PALM2AKAP2: variants seen among roughly 807,000 people sequenced by gnomAD.
PALM2AKAP2 encodes PALM2 and AKAP2 fusion, also known as PALM2-AKAP2 fusion protein.
In PALM2AKAP2, 37 loss-of-function variants were observed where a neutral mutation model predicts 71.5. The observed-to-expected ratio is 0.52, with a 90% CI of 0.40 to 0.68. The LOEUF is 0.68. PALM2AKAP2 is among the 30% of genes least tolerant of loss of function. The pLI is 0.00. For missense variants in PALM2AKAP2, 1,224 were observed against 1,191.8 expected, an observed-to-expected ratio of 1.03 and a Z score of -0.40; for synonymous variants, 468 against 478.8, an observed-to-expected ratio of 0.98 and a Z score of 0.29.
At chr9:109,954,665 A>T (rs1215554857) in intron 6 of PALM2AKAP2, among the ~76,000 whole-genome samples, 3 of 147,660 alleles carry the variant, frequency 2.0e-5, no homozygotes, top group Non-Finnish European at 3.0e-5. Context: ...TAATAAAAAA[A>T]AAAAAAAAAA....
At chr9:109,959,636 C>G (rs1422260103) in intron 6 of PALM2AKAP2, among the ~76,000 whole-genome samples, 2 of 137,542 alleles carry the variant, frequency 1.5e-5, no homozygotes, top group Admixed American at 7.4e-5. Flanking sequence ...CAGAGCAAGA[C>G]TCCGTCTCAA....
intron 1 of PALM2AKAP2, among the ~76,000 whole-genome samples, chr9:109,768,355 TA>T (rs144153535): frequency 0.085 from 12,960 of 152,164 alleles, 746 homozygotes; most frequent in Admixed American, 0.15. Flanking sequence ...TTCAAATGCA[TA>T]TTTTTTATTC....
intron 1 of PALM2AKAP2, 140 bp from the exon 2 acceptor site, chr9:109,867,351 G>A (rs1829478991): frequency 4.6e-6 from 4 of 869,466 alleles, no homozygotes; most frequent in Non-Finnish European, 7.2e-6. Context: ...AGACGGTGGG[G>A]CAGGTGACAC....
chr9:109,844,311 C>T (rs187764576), intron 1 of PALM2AKAP2, among the ~76,000 whole-genome samples: 1 of 152,106 alleles, frequency 6.6e-6, no homozygotes, highest in African/African-American at 2.4e-5. Context: ...TCTCATTGGT[C>T]TGACAGCTAT....
chr9:109,657,359 TG>T (rs1827321958), intron 1 of PALM2AKAP2, among the ~76,000 whole-genome samples: 1 of 152,186 alleles, frequency 6.6e-6, no homozygotes, highest in Non-Finnish European at 1.5e-5. Context: ...CCAGCACATC[TG>T]GGGGCTAAGA....
chr9:110,019,817 T>C (rs552319747), intron 7 of PALM2AKAP2, among the ~76,000 whole-genome samples: 3 of 152,106 alleles, frequency 2.0e-5, no homozygotes, highest in Non-Finnish European at 4.4e-5. Context: ...GGAGAAAGGG[T>C]TGTAAAACTA....
At chr9:110,055,616 C>T (rs1046647736) in intron 1 of PALM2AKAP2, among the ~76,000 whole-genome samples, 20 of 152,160 alleles carry the variant, frequency 1.3e-4, no homozygotes, top group African/African-American at 4.3e-4. Context: ...GGGAATTAGT[C>T]TTCAAAATAT....
chr9:109,657,865 C>T (rs1474106906), intron 1 of PALM2AKAP2, among the ~76,000 whole-genome samples: 2 of 151,308 alleles, frequency 1.3e-5, no homozygotes, highest in Non-Finnish European at 2.9e-5. Flanking sequence ...AGTGGCATGT[C>T]ATCCCTGGGG....
chr9:110,015,767 G>C (rs1832970233), intron 6 of PALM2AKAP2, among the ~76,000 whole-genome samples, 187 bp from the exon 7 acceptor site: 1 of 152,142 alleles, frequency 6.6e-6, no homozygotes, highest in Non-Finnish European at 1.5e-5. Flanking sequence ...AACAAAAGAA[G>C]TGCTCCAGGA....
chr9:110,152,347 T>TCATTA (rs1836338876), intron 2 of PALM2AKAP2, among the ~76,000 whole-genome samples: 1 of 152,162 alleles, frequency 6.6e-6, no homozygotes, highest in Admixed American at 6.5e-5. Context: ...AGCTATTGAA[T>TCATTA]CATTACAGGT....
At chr9:110,113,387 C>T (rs750885466) in intron 1 of PALM2AKAP2, among the ~76,000 whole-genome samples, 3 of 151,862 alleles carry the variant, frequency 2.0e-5, no homozygotes, top group South Asian at 2.1e-4. Flanking sequence ...TACAGGCGTG[C>T]ACCACCATGC....
intron 1 of PALM2AKAP2, among the ~76,000 whole-genome samples, chr9:109,754,341 A>G (rs952120606): frequency 6.6e-6 from 1 of 152,146 alleles, no homozygotes; most frequent in African/African-American, 2.4e-5. Context: ...AAAGCTGAGA[A>G]CTAGAAGTAA....
chr9:109,797,565 TGG>T (rs1827296134), intron 1 of PALM2AKAP2, among the ~76,000 whole-genome samples: 1 of 152,208 alleles, frequency 6.6e-6, no homozygotes, highest in Non-Finnish European at 1.5e-5. Flanking sequence ...GTGGGACTGC[TGG>T]GACCTTTACC....
At chr9:110,168,426 A>C in exon 4 of PALM2AKAP2, 2 of 1,614,194 alleles carry the variant, frequency 1.2e-6, no homozygotes, top group South Asian at 1.1e-5. Context: ...GGTTAATCGA[A>C]GAAAGAGCGC....
At chr9:110,017,733 T>G (rs1209536936) in intron 7 of PALM2AKAP2, among the ~76,000 whole-genome samples, 1 of 151,584 alleles carries the variant, frequency 6.6e-6, no homozygotes, top group East Asian at 1.9e-4. Flanking sequence ...ATATTCCTTT[T>G]TTTTTTTTTT....
intron 1 of PALM2AKAP2, among the ~76,000 whole-genome samples, chr9:109,805,342 G>A (rs1207161602): frequency 6.6e-6 from 1 of 152,214 alleles, no homozygotes; most frequent in East Asian, 1.9e-4. Context: ...AAGGTGGGCT[G>A]ATAACTTTCC....
At chr9:110,059,058 C>T (rs1182601433) in intron 1 of PALM2AKAP2, among the ~76,000 whole-genome samples, 5 of 152,048 alleles carry the variant, frequency 3.3e-5, no homozygotes, top group Non-Finnish European at 5.9e-5. Flanking sequence ...TGCCACCACG[C>T]CCACGTAATT....
intron 1 of PALM2AKAP2, among the ~76,000 whole-genome samples, chr9:109,797,432 C>A (rs10816868): frequency 1.3e-5 from 2 of 152,270 alleles, no homozygotes; most frequent in East Asian, 3.9e-4. Flanking sequence ...ATCTCCCCTC[C>A]GCATGGAAAG....
At chr9:110,003,966 G>T (rs1425665504) in intron 6 of PALM2AKAP2, among the ~76,000 whole-genome samples, 3 of 152,052 alleles carry the variant, frequency 2.0e-5, no homozygotes. Context: ...ACACTGATGG[G>T]TCTTGACTCT....
Sources: gnomAD v4.1 joint callset for allele counts (sites outside exome capture counted in the v4.1 genomes callset) on GRCh38, gnomAD v4.1.1 for gene constraint, MANE v1.5 for transcripts, NCBI Gene and HGNC (gene_info 2026-07-23, HGNC 2026-07-21) for gene names.